Variants in PLCXD2 observed in about 807,000 individuals in gnomAD.
The protein encoded by PLCXD2 is PI-PLC X domain-containing protein 2.
PLCXD2 carries 21 observed loss-of-function variants against 28.6 expected under a neutral mutation model. The ratio of observed to expected loss-of-function variants is 0.73; its 90% CI spans 0.52 to 1.06. The LOEUF (loss-of-function observed/expected upper bound fraction) is 1.06. PLCXD2 is among the 50% of genes least tolerant of loss of function. PLCXD2 has a pLI of 0.00. For synonymous variants in PLCXD2, 140 were observed against 150.1 expected (o/e 0.93, Z 0.49); for missense variants, 369 against 376.7 (o/e 0.98, Z 0.17).
At position 111,708,341 on chromosome 3, in the gene PLCXD2, T is replaced by C. The variant is rs199840687; in HGVS notation, c.579T>C (p.Ser193=). ...GAAACAAGCTGTGCCCAGCCTGCAG[T>C]GTGGAAAGTTTGACGCTGCGAACTC... Residue 193 remains serine, a synonymous_variant, in exon 2 of 5, where the codon AGT becomes AGC. Coordinates refer to ENST00000477665, the MANE Select transcript of PLCXD2 (RefSeq NM_001185106.1). 1.2e-4 allele frequency: 187 copies of C among 1,613,990 alleles called. No homozygotes were observed. In the East Asian group the frequency reaches 3.4e-3, roughly 29 times the overall value.
chr3:111,685,932 G>T (rs1349775812), intron 1 of PLCXD2, among the ~76,000 whole-genome samples: 1 of 152,190 alleles, frequency 6.6e-6, no homozygotes, highest in East Asian at 1.9e-4. Flanking sequence ...CACAACATGG[G>T]ATTGAAAACC....
intron 1 of PLCXD2, among the ~76,000 whole-genome samples, chr3:111,680,591 A>G (rs1940699327): frequency 2.6e-5 from 4 of 152,160 alleles, no homozygotes; most frequent in Admixed American, 2.0e-4. Context: ...TGGTGGTTCC[A>G]TTAGTAGGTT....
Position 111,714,116 on chromosome 3 carries a change from C to T in PLCXD2, c.854C>T (p.Thr285Met), listed in dbSNP as rs139070081. Residue 285 changes from threonine (T) to methionine (M), a missense_variant, in exon 3 of 5, where the codon ACG becomes ATG. Transcript: ENST00000477665. Reference sequence around the variant, plus strand: ...GGCTTGGTTGGGGGCCTCAAGAACACGCTGGTTCATAGGTAAGAATTTGCT... The same window carrying T: ...GGCTTGGTTGGGGGCCTCAAGAACATGCTGGTTCATAGGTAAGAATTTGCT... 1.6e-3 allele frequency: 2,640 copies of T among 1,613,932 alleles called. 7 individuals are homozygous for T. The highest frequency in any genetic ancestry group is 3.6e-3 in the South Asian group (330 of 91,068).
At chr3:111,717,688 G>A (rs1434474669) in intron 3 of PLCXD2, among the ~76,000 whole-genome samples, 2 of 152,142 alleles carry the variant, frequency 1.3e-5, no homozygotes, top group Non-Finnish European at 2.9e-5. Context: ...GGAGTTACAA[G>A]CCTTTAAGGC....
intron 1 of PLCXD2, among the ~76,000 whole-genome samples, chr3:111,681,553 A>T (rs1940715097): frequency 6.6e-6 from 1 of 152,096 alleles, no homozygotes; most frequent in African/African-American, 2.4e-5. Flanking sequence ...AAACACATAC[A>T]TCACCCACAC....
chr3:111,694,680 A>G (rs1940936467), intron 1 of PLCXD2, among the ~76,000 whole-genome samples: 1 of 152,204 alleles, frequency 6.6e-6, no homozygotes, highest in African/African-American at 2.4e-5. Context: ...GTTGTGAGTC[A>G]GGAAGATGTT....
chr3:111,718,254 G>A (rs995218340), intron 3 of PLCXD2, among the ~76,000 whole-genome samples: 2 of 152,124 alleles, frequency 1.3e-5, no homozygotes, highest in Non-Finnish European at 2.9e-5. Flanking sequence ...CACCAGGTCA[G>A]GAGATCGAGA....
At chr3:111,707,520 T>C (rs1275484117) in intron 1 of PLCXD2, among the ~76,000 whole-genome samples, 11 of 152,232 alleles carry the variant, frequency 7.2e-5, no homozygotes, top group Non-Finnish European at 1.5e-5. Flanking sequence ...GTCTCTATTA[T>C]GAATATTCTT....
At chr3:111,695,536 A>C (rs1220922067) in intron 1 of PLCXD2, among the ~76,000 whole-genome samples, 1 of 152,266 alleles carries the variant, frequency 6.6e-6, no homozygotes, top group East Asian at 1.9e-4. Flanking sequence ...AACACTGTGA[A>C]ACTGCAACAG....
intron 2 of PLCXD2, among the ~76,000 whole-genome samples, chr3:111,713,359 T>C (rs1346970424): frequency 6.6e-6 from 1 of 152,258 alleles, no homozygotes; most frequent in African/African-American, 2.4e-5. Context: ...ACAACAATCT[T>C]AGCCCTGCCT....
chr3:111,718,488 A>G (rs1439031235), intron 3 of PLCXD2, among the ~76,000 whole-genome samples: 3 of 141,538 alleles, frequency 2.1e-5, no homozygotes, highest in Non-Finnish European at 4.6e-5. Flanking sequence ...GATGATGGAT[A>G]GATGATAGAT....
intron 1 of PLCXD2, 34 bp from the exon 2 acceptor site, chr3:111,707,892 C>T: frequency 3.2e-6 from 5 of 1,557,020 alleles, no homozygotes; most frequent in Non-Finnish European, 4.4e-6. Flanking sequence ...GCTCCCGTCT[C>T]ATCTGCTTTC....
chr3:111,713,282 A>G (rs1475410826), intron 2 of PLCXD2, among the ~76,000 whole-genome samples: 2 of 152,238 alleles, frequency 1.3e-5, no homozygotes, highest in Non-Finnish European at 2.9e-5. Flanking sequence ...AAAAATACAT[A>G]TTCATTTTTA....
At position 111,690,452 on chromosome 3, in the gene PLCXD2, A is replaced by G. The variant is rs1940857392; in HGVS notation, c.163+15044A>G. ...AGCAGCCCAGTGGTTTAAGTGGTCT[A>G]TGTAGTAATCACCCAGCAAGGCTCC... is the stretch of plus-strand genomic sequence containing the variant. On this transcript the variant is annotated intron_variant, in intron 1 of 4. Transcript: ENST00000477665. 3.9e-5 allele frequency among the ~76,000 whole-genome samples: 6 copies of G among 152,218 alleles called. No homozygotes were observed. In the South Asian group the frequency reaches 8.3e-4, roughly 21 times the overall value.
intron 1 of PLCXD2, among the ~76,000 whole-genome samples, chr3:111,703,532 C>T (rs1371217321): frequency 2.6e-5 from 4 of 152,140 alleles, no homozygotes; most frequent in Admixed American, 6.5e-5. Flanking sequence ...CTCTCCTCCA[C>T]GCTTGGATAA....
At chr3:111,688,793 A>G (rs1293445047) in intron 1 of PLCXD2, among the ~76,000 whole-genome samples, 2 of 152,236 alleles carry the variant, frequency 1.3e-5, no homozygotes, top group Non-Finnish European at 2.9e-5. Flanking sequence ...ATTAAATTTC[A>G]AAAAAGAATT....
intron 1 of PLCXD2, among the ~76,000 whole-genome samples, chr3:111,679,536 A>T (rs148871077): frequency 6.6e-6 from 1 of 152,298 alleles, no homozygotes; most frequent in East Asian, 1.9e-4. Context: ...TGAATAATTG[A>T]AAGTATGGAA....
chr3:111,705,915 C>T (rs531597153), intron 1 of PLCXD2, among the ~76,000 whole-genome samples: 2 of 150,306 alleles, frequency 1.3e-5, no homozygotes, highest in African/African-American at 2.4e-5. Context: ...TGCCGTGGTA[C>T]GATGTTTGTC....
At chr3:111,691,978 A>C (rs565681274) in intron 1 of PLCXD2, among the ~76,000 whole-genome samples, 1 of 152,250 alleles carries the variant, frequency 6.6e-6, no homozygotes, top group African/African-American at 2.4e-5. Context: ...CCAGGGTTAT[A>C]AAAAAGTTAA....
Sources: gnomAD v4.1 joint callset for allele counts (sites outside exome capture counted in the v4.1 genomes callset) on GRCh38, gnomAD v4.1.1 for gene constraint, MANE v1.5 for transcripts, NCBI Gene and HGNC (gene_info 2026-07-23, HGNC 2026-07-21) for gene names.